The following YTHDC2 variants were observed in gnomAD, a reference collection of about 807,000 sequenced individuals.
The protein encoded by YTHDC2 is YTH N6-methyladenosine RNA binding protein C2.
In YTHDC2, 45 loss-of-function variants were observed where a neutral mutation model predicts 174.9. The ratio of observed to expected loss-of-function variants is 0.26; its 90% CI spans 0.20 to 0.33. YTHDC2 has a LOEUF of 0.33. YTHDC2 is among the 10% of genes least tolerant of loss of function. The pLI is 1.00. For missense variants in YTHDC2, 1,650 were observed against 1,723.7 expected (o/e 0.96, Z 0.76); for synonymous variants, 657 against 574.5 (o/e 1.14, Z -2.05).
intron 23 of YTHDC2, among the ~76,000 whole-genome samples, chr5:113,571,372 TG>T (rs1777706207): frequency 6.6e-6 from 1 of 152,208 alleles, no homozygotes; most frequent in African/African-American, 2.4e-5. Flanking sequence ...CTGCTGTATT[TG>T]GTTTGCCCAT....
At chr5:113,541,922 A>G (rs539979453) in intron 9 of YTHDC2, among the ~76,000 whole-genome samples, 1 of 152,164 alleles carries the variant, frequency 6.6e-6, no homozygotes, top group Admixed American at 6.5e-5. Flanking sequence ...GACTGGCTGT[A>G]TATTTTGTCA....
intron 26 of YTHDC2, among the ~76,000 whole-genome samples, chr5:113,589,408 A>AAATATATATATATATAT (rs368975720): frequency 6.8e-4 from 84 of 123,226 alleles, no homozygotes; most frequent in Non-Finnish European, 1.1e-3. Flanking sequence ...AAAAAAAAAA[A>AAATATATATATATATAT]ATATATATAT....
At chr5:113,576,504 A>G (rs1002770968) in intron 23 of YTHDC2, among the ~76,000 whole-genome samples, 1 of 152,182 alleles carries the variant, frequency 6.6e-6, no homozygotes, top group African/African-American at 2.4e-5. Context: ...ATAAAAATGT[A>G]TAGATATTAT....
In YTHDC2 at chr5:113,547,100, A is replaced by G. The variant is rs191546413; in HGVS notation, c.1496-1441A>G. The stretch of plus-strand genomic sequence containing the variant: ...TTAGTCCAGTTTATATTCAGGGAGA[A>G]GGGAATTAGGCTCCACCTCTTGAAG... On this transcript the variant is annotated intron_variant, in intron 10 of 29. Transcript: ENST00000161863. Among the ~76,000 whole-genome samples the G allele has an allele frequency of 2.3e-3, 347 of 152,302 alleles. 2 individuals are homozygous for G. The highest frequency in any genetic ancestry group is 3.8e-3 in the Non-Finnish European group (261 of 68,010).
chr5:113,584,546 A>C (rs1778573539), intron 26 of YTHDC2, 67 bp downstream of exon 26: 1 of 1,314,964 alleles, frequency 7.6e-7, no homozygotes, highest in South Asian at 1.8e-5. Context: ...TAGGTAAATA[A>C]AATTGTAAAA....
intron 26 of YTHDC2, among the ~76,000 whole-genome samples, chr5:113,588,265 C>G (rs1304829787): frequency 6.6e-6 from 1 of 152,110 alleles, no homozygotes; most frequent in Non-Finnish European, 1.5e-5. Context: ...AGCCACATAT[C>G]TTTCCCTTGA....
chr5:113,537,621 A>G (rs1166488509), intron 7 of YTHDC2, among the ~76,000 whole-genome samples: 2 of 146,918 alleles, frequency 1.4e-5, no homozygotes, highest in Non-Finnish European at 3.0e-5. Context: ...GCCCTATGCT[A>G]TACTCTACTA....
intron 2 of YTHDC2, among the ~76,000 whole-genome samples, chr5:113,517,109 G>T (rs1379397435): frequency 6.6e-6 from 1 of 152,106 alleles, no homozygotes; most frequent in Non-Finnish European, 1.5e-5. Context: ...GCAATATGTT[G>T]TATAATCTAC....
rs1330843032 is a variant in YTHDC2, at chr5:113,567,810, T to C, written c.3205T>C (p.Leu1069=). The C allele has an allele frequency of 5.0e-6, 8 of 1,590,894 alleles. No homozygotes were observed. The highest frequency in any genetic ancestry group is 1.7e-4 in the Middle Eastern group (1 of 6,026). ...TILVFCGPAR[L]ASNALQEPSS... is the part of the protein sequence containing the mutation. ...ATTGGTATTCTGTGGACCAGCTAGA[T>C]TGGCAAGTAATGCTCTTCAGGAACC... The change falls in exon 23 of 30, where the codon TTG becomes CTG. Residue 1069 remains leucine, a synonymous_variant. Transcript: ENST00000161863.
intron 4 of YTHDC2, among the ~76,000 whole-genome samples, chr5:113,529,468 A>G (rs1258385298): frequency 5.3e-5 from 8 of 152,182 alleles, no homozygotes; most frequent in African/African-American, 9.7e-5. Flanking sequence ...TTATTGTTCC[A>G]TCACTCTAAA....
chr5:113,524,925 C>A, intron 2 of YTHDC2, 56 bp from the exon 3 acceptor site: 1 of 1,296,218 alleles, frequency 7.7e-7, no homozygotes, highest in Middle Eastern at 2.6e-4. Flanking sequence ...GGGCATACAT[C>A]ATATGTGAAC....
rs1296458730 is a variant in YTHDC2 at position 113,579,601 on chromosome 5, A to G, written c.3260A>G (p.Asn1087Ser). The G allele has an allele frequency of 1.9e-6, 3 of 1,605,080 alleles. No homozygotes were observed. Among genetic ancestry groups the G allele is most frequent in the Non-Finnish European group, 2.6e-6 (3 of 1,175,550 alleles). The change falls in exon 24 of 30, where the codon AAT (asparagine) becomes AGT (serine). Residue 1087 changes from asparagine (N) to serine (S), a missense_variant. This residue lies in a region of YTHDC2 where 913 missense variants were observed against 940.4 expected (regional missense o/e 0.97). Coordinates refer to ENST00000161863, the MANE Select transcript of YTHDC2 (RefSeq NM_022828.5). ...ACTTGGACAGTGGATGGCATTCCCA[A>G]TGACAGTAGTGATAGTGAAATGGAG... ...PSSFRVDGIPNDSSDSEMEDK... is the reference protein window; with the variant it reads ...PSSFRVDGIPSDSSDSEMEDK...
At chr5:113,524,275 CTA>C (rs1276227494) in intron 2 of YTHDC2, among the ~76,000 whole-genome samples, 1 of 152,112 alleles carries the variant, frequency 6.6e-6, no homozygotes, top group African/African-American at 2.4e-5. Flanking sequence ...GTATATAACA[CTA>C]TACCTACTAC....
chr5:113,592,284 A>C (rs1779050519), intron 28 of YTHDC2, 106 bp downstream of exon 28: 1 of 1,144,314 alleles, frequency 8.7e-7, no homozygotes, highest in South Asian at 1.9e-5. Context: ...TTTATATTCC[A>C]TATGCACATG....
rs532153505 is a variant in YTHDC2 at position 113,538,265 on chromosome 5, C to G, written c.1103-809C>G. On this transcript the variant is annotated intron_variant, in intron 7 of 29. Coordinates refer to ENST00000161863, the MANE Select transcript of YTHDC2 (RefSeq NM_022828.5). ...ACGTAGCATTCTGCTGTCTTTAAAT[C>G]CATTCTCCATATTGCAGTCAGAGTG... 3.3e-5 allele frequency among the ~76,000 whole-genome samples: 5 copies of G among 152,250 alleles called. No individual in the cohort carries two copies. The East Asian group carries it at 9.7e-4, about 29-fold the overall frequency.
At chr5:113,518,556 CGTGTGTGTGTGTGTGTGTGTGT>C (rs67062871) in intron 2 of YTHDC2, among the ~76,000 whole-genome samples, 2 of 144,458 alleles carry the variant, frequency 1.4e-5, no homozygotes, top group Admixed American at 6.9e-5. Flanking sequence ...AGTTAGTTTT[CGTGTGTGTGTGTGTGTGTGTGT>C]GTGTGTGTGT....
intron 4 of YTHDC2, among the ~76,000 whole-genome samples, chr5:113,530,452 A>C (rs1774576475): frequency 6.6e-6 from 1 of 152,134 alleles, no homozygotes; most frequent in East Asian, 1.9e-4. Flanking sequence ...GTTGCCCTAG[A>C]GTTTGCAGTA....
At chr5:113,555,295 C>G (rs1378069935) in intron 16 of YTHDC2, among the ~76,000 whole-genome samples, 1 of 151,418 alleles carries the variant, frequency 6.6e-6, no homozygotes, top group Non-Finnish European at 1.5e-5. Context: ...TATTAAAAAC[C>G]AAATAAGCTG....
chr5:113,574,112 T>A (rs1217633940), intron 23 of YTHDC2, among the ~76,000 whole-genome samples: 1 of 152,222 alleles, frequency 6.6e-6, no homozygotes, highest in African/African-American at 2.4e-5. Context: ...CTTTGATCTT[T>A]GAGGATGCTG....
Sources: allele counts gnomAD v4.1 joint callset (sites outside exome capture counted in the v4.1 genomes callset), GRCh38; gene constraint gnomAD v4.1.1; regional missense constraint gnomAD v4.1.1; transcripts MANE v1.5; gene names NCBI Gene and HGNC (gene_info 2026-07-23, HGNC 2026-07-21).